The following TREX1 variants were observed in gnomAD, a reference collection of about 807,000 sequenced individuals.
TREX1 encodes three prime repair exonuclease 1.
In TREX1, 11 loss-of-function variants were observed where a neutral mutation model predicts 13.7. The ratio of observed to expected loss-of-function variants is 0.80; its 90% confidence interval spans 0.51 to 1.33. The LOEUF (loss-of-function observed/expected upper bound fraction) is 1.33, where lower values mean the gene tolerates loss of function less well. TREX1 is among the 40% of genes most tolerant of loss of function. The pLI is 0.00. For synonymous variants in TREX1, 178 were observed against 178.8 expected (o/e 1.00, Z 0.03); for missense variants, 409 against 404.4 (o/e 1.01, Z -0.10).
rs777034646 is a variant in TREX1 at position 48,466,837 on chromosome 3, C to A, written c.182C>A (p.Pro61Gln). The change falls in exon 2 of 2, where the codon CCG becomes CAG. Residue 61 changes from proline to glutamine, a missense_variant. Physicochemically the swap from Pro to Gln is moderately conservative, Grantham distance 76. Coordinates refer to ENST00000625293, the MANE Select transcript of TREX1 (RefSeq NM_033629.6). ...QGPPPTVPPPPRVVDKLSLCV... is the reference protein window; with the variant it reads ...QGPPPTVPPPQRVVDKLSLCV... ...CCACCTCCCACAGTTCCTCCACCAC[C>A]GCGTGTGGTAGACAAGCTCTCCCTG... The A allele has an allele frequency of 1.2e-6, 2 of 1,614,018 alleles. No individual in the cohort carries two copies. Among genetic ancestry groups the A allele is most frequent in the Non-Finnish European group, 1.7e-6 (2 of 1,180,046 alleles).
upstream of TREX1, chr3:48,466,130 G>T (rs886058622): frequency 4.3e-5 from 18 of 420,378 alleles, no homozygotes; most frequent in African/African-American, 1.6e-4. Flanking sequence ...GAGTGGGTGT[G>T]GGGGGGAACG....
At chr3:48,466,156 G>A (rs890934920), upstream of TREX1, 3 of 475,814 alleles carry the variant, frequency 6.3e-6, no homozygotes, top group Admixed American at 3.4e-5. Flanking sequence ...TGGTGAGAGG[G>A]ACAGACCAGG....
chr3:48,466,932 G>A lies in TREX1; in HGVS notation c.277G>A (p.Ala93Thr). 6.2e-7 allele frequency: 1 copy of A among 1,611,408 alleles called. No homozygotes were observed. The highest frequency in any genetic ancestry group is 2.2e-5 in the East Asian group (1 of 44,882). ...EITGLSTAVL[A>T]AHGRQCFDDN... The stretch of plus-strand genomic sequence containing the variant: ...CACAGGTCTGAGCACAGCTGTGCTG[G>A]CAGCGCATGGGCGTCAATGTTTTGA... The change falls in exon 2 of 2, where the codon GCA (alanine) becomes ACA (threonine). Residue 93 changes from alanine (A) to threonine (T), a missense_variant. Physicochemically the swap from Ala to Thr is moderately conservative, Grantham distance 58. Transcript: ENST00000625293.
In TREX1 at chr3:48,466,873, CG is replaced by C; in HGVS notation, c.222del (p.Lys75ArgfsTer13). 2 of 1,613,400 alleles carry C rather than the reference CG, an allele frequency of 1.2e-6. No homozygotes were observed. The highest frequency in any genetic ancestry group is 1.7e-6 in the Non-Finnish European group (2 of 1,180,022). Reference protein sequence around the residue: ...VVDKLSLCVAPGKACSPAASE... With the variant: ...VVDKLSLCVAXGKACSPAASE... ...GACAAGCTCTCCCTGTGTGTGGCTCCGGGGAAGGCCTGCAGCCCTGCAGCCA... is the reference window on the plus strand; with the variant it reads ...GACAAGCTCTCCCTGTGTGTGGCTCCGGGAAGGCCTGCAGCCCTGCAGCCA... On this transcript the variant is annotated frameshift_variant, in exon 2 of 2. Transcript: ENST00000625293. LOFTEE classifies it high-confidence loss of function.
Position 48,466,698 on chromosome 3 carries a change from A to G in TREX1, c.43A>G (p.Ile15Val), listed in dbSNP as rs1449985027. Reference sequence around the variant, plus strand: ...GCCCCCGGGGCCCATGCAGACCCTCATCTTTTTCGACATGGAGGCCACTGG... The same window carrying G: ...GCCCCCGGGGCCCATGCAGACCCTCGTCTTTTTCGACATGGAGGCCACTGG... The part of the protein sequence containing the change: ...ALPPGPMQTL[I>V]FFDMEATGLP... The change falls in exon 2 of 2, where the codon ATC becomes GTC. Residue 15 changes from isoleucine (I) to valine (V), a missense_variant. Coordinates refer to ENST00000625293, the MANE Select transcript of TREX1 (RefSeq NM_033629.6). 3 of 1,613,846 alleles carry G rather than the reference A, an allele frequency of 1.9e-6. No homozygotes were observed. Among genetic ancestry groups the G allele is most frequent in the East Asian group, 2.2e-5 (1 of 44,836 alleles).
upstream of TREX1, chr3:48,465,881 G>C: frequency 3.1e-6 from 1 of 325,208 alleles, no homozygotes; most frequent in Non-Finnish European, 5.9e-6. Context: ...TGGCAGGGAA[G>C]GAGGTGGCTC....
Position 48,467,205 on chromosome 3 carries a change from A to G in TREX1, c.550A>G (p.Thr184Ala). ...RKSYSLGSIY[T>A]RLYGQSPPDS... Reference sequence around the variant, plus strand: ...GAGCTATAGCCTAGGCAGCATCTACACTCGCCTGTATGGGCAGTCCCCTCC... The same window carrying G: ...GAGCTATAGCCTAGGCAGCATCTACGCTCGCCTGTATGGGCAGTCCCCTCC... The change falls in exon 2 of 2, where the codon ACT becomes GCT. Residue 184 changes from threonine to alanine, a missense_variant. Thr to Ala is a moderately conservative substitution (Grantham distance 58, BLOSUM62 0). Transcript: ENST00000625293. The G allele has an allele frequency of 6.2e-7, 1 of 1,613,796 alleles. No individual in the cohort carries two copies. Among genetic ancestry groups the G allele is most frequent in the Non-Finnish European group, 8.5e-7 (1 of 1,179,928 alleles).
rs1449073652 is a variant in TREX1, at chr3:48,466,836, C to T, written c.181C>T (p.Pro61Ser). 2 of 1,614,034 alleles carry T rather than the reference C, an allele frequency of 1.2e-6. No individual in the cohort carries two copies. The highest frequency in any genetic ancestry group is 2.2e-5 in the East Asian group (1 of 44,882). ...QGPPPTVPPP[P>S]RVVDKLSLCV... ...GCCACCTCCCACAGTTCCTCCACCA[C>T]CGCGTGTGGTAGACAAGCTCTCCCT... Residue 61 changes from proline to serine, a missense_variant, in exon 2 of 2, where the codon CCG becomes TCG. Coordinates refer to ENST00000625293, the MANE Select transcript of TREX1 (RefSeq NM_033629.6).
At position 48,467,063 on chromosome 3, in the gene TREX1, A is replaced by C. The variant is rs1172017773; in HGVS notation, c.408A>C (p.Ala136=). The change falls in exon 2 of 2, where the codon GCA becomes GCC. Residue 136 remains alanine, a synonymous_variant. Coordinates refer to ENST00000625293, the MANE Select transcript of TREX1 (RefSeq NM_033629.6). The part of the protein sequence containing the change: ...GDRYDFPLLQ[A]ELAMLGLTSA... ...GCTACGACTTCCCCCTGCTCCAAGC[A>C]GAGCTGGCTATGCTGGGCCTCACCA... The C allele has an allele frequency of 6.2e-7, 1 of 1,613,894 alleles. No homozygotes were observed. Among genetic ancestry groups the C allele is most frequent in the Non-Finnish European group, 8.5e-7 (1 of 1,180,038 alleles).
Position 48,467,595 on chromosome 3 carries a change from G to C in TREX1, c.940G>C (p.Glu314Gln). 1 of 1,610,716 alleles carries C rather than the reference G, an allele frequency of 6.2e-7. No homozygotes were observed. Among genetic ancestry groups the C allele is most frequent in the Non-Finnish European group, 8.5e-7 (1 of 1,178,070 alleles). ...TGGACTATCCCTGGCCACACCTGGGGAGTAGGCCAAGAAGGAAAATCTGAC... is the reference window on the plus strand; with the variant it reads ...TGGACTATCCCTGGCCACACCTGGGCAGTAGGCCAAGAAGGAAAATCTGAC... ...LYGLSLATPG[E>Q] is the part of the protein sequence containing the mutation. Residue 314 changes from glutamate (E) to glutamine (Q), a missense_variant, in exon 2 of 2, where the codon GAG becomes CAG. By Grantham distance (29) the Glu-to-Gln change is conservative (BLOSUM62 2). Transcript: ENST00000625293.
chr3:48,466,284 T>C lies in TREX1; in HGVS notation c.-52T>C, dbSNP rs994354622. On this transcript the variant is annotated 5_prime_UTR_variant, in exon 1 of 2. Transcript: ENST00000625293. ...GCGGGAGAGTGTGCAGCCGAGTCAC[T>C]ACTGCCTGCCTGCCTGCCTGCTACG... is the stretch of plus-strand genomic sequence containing the variant. The C allele has an allele frequency of 1.0e-5, 7 of 671,320 alleles. No homozygotes were observed. The African/African-American group carries it at 1.2e-4, about 12-fold the overall frequency. The allele number at this position is 671,320 out of a possible 1,614,324, so 41.6% of individuals were successfully genotyped here.
In TREX1 at chr3:48,467,242, C is replaced by G; in HGVS notation, c.587C>G (p.Thr196Arg). 6.2e-7 allele frequency: 1 copy of G among 1,614,118 alleles called. No homozygotes were observed. The highest frequency in any genetic ancestry group is 1.3e-5 in the African/African-American group (1 of 75,068). ...GGGCAGTCCCCTCCAGACTCGCACACGGCTGAGGGTGATGTCCTGGCCCTG... is the reference window on the plus strand; with the variant it reads ...GGGCAGTCCCCTCCAGACTCGCACAGGGCTGAGGGTGATGTCCTGGCCCTG... Reference protein sequence around the residue: ...LYGQSPPDSHTAEGDVLALLS... With the variant: ...LYGQSPPDSHRAEGDVLALLS... The change falls in exon 2 of 2, where the codon ACG becomes AGG. Residue 196 changes from threonine (T) to arginine (R), a missense_variant. Transcript: ENST00000625293.
In TREX1 at chr3:48,467,321, C is replaced by T. The variant is rs1431098691; in HGVS notation, c.666C>T (p.His222=). The change falls in exon 2 of 2, where the codon CAC becomes CAT. Residue 222 remains histidine, a synonymous_variant. Transcript: ENST00000625293. ...PQALLRWVDA[H]ARPFGTIRPM... is the part of the protein sequence containing the mutation. Reference sequence around the variant, plus strand: ...CCCTGCTGCGGTGGGTGGATGCTCACGCCAGGCCTTTCGGCACCATCAGGC... The same window carrying T: ...CCCTGCTGCGGTGGGTGGATGCTCATGCCAGGCCTTTCGGCACCATCAGGC... 3.7e-6 allele frequency: 6 copies of T among 1,614,134 alleles called. No homozygotes were observed. The Admixed American group carries it at 5.0e-5, about 13-fold the overall frequency.
rs1315787002 is a variant in TREX1 at position 48,466,896 on chromosome 3, G to A, written c.241G>A (p.Ala81Thr). 3 of 1,612,162 alleles carry A rather than the reference G, an allele frequency of 1.9e-6. No individual in the cohort carries two copies. The highest frequency in any genetic ancestry group is 2.5e-6 in the Non-Finnish European group (3 of 1,180,040). Residue 81 changes from alanine to threonine, a missense_variant, in exon 2 of 2, where the codon GCC becomes ACC. Ala to Thr is a moderately conservative substitution (Grantham distance 58). Coordinates refer to ENST00000625293, the MANE Select transcript of TREX1 (RefSeq NM_033629.6). ...VAPGKACSPA[A>T]SEITGLSTAV... ...TCCGGGGAAGGCCTGCAGCCCTGCA[G>A]CCAGCGAGATCACAGGTCTGAGCAC...
At position 48,466,873 on chromosome 3, in the gene TREX1, C is replaced by T. The variant is rs755919767; in HGVS notation, c.218C>T (p.Pro73Leu). 1.5e-5 allele frequency: 25 copies of T among 1,613,282 alleles called. No homozygotes were observed. The highest frequency in any genetic ancestry group is 7.7e-5 in the South Asian group (7 of 91,088). ...VVDKLSLCVA[P>L]GKACSPAASE... ...GACAAGCTCTCCCTGTGTGTGGCTC[C>T]GGGGAAGGCCTGCAGCCCTGCAGCC... Residue 73 changes from proline to leucine, a missense_variant, in exon 2 of 2, where the codon CCG (proline) becomes CTG (leucine). Pro to Leu is a moderately conservative substitution (Grantham distance 98). Transcript: ENST00000625293.
In TREX1 at chr3:48,467,042, C is replaced by T. The variant is rs202025490; in HGVS notation, c.387C>T (p.Tyr129=). 62 of 1,613,978 alleles carry T rather than the reference C, an allele frequency of 3.8e-5. No individual in the cohort carries two copies. The highest frequency in any genetic ancestry group is 1.8e-4 in the Admixed American group (11 of 60,006). ...WCLVAHNGDR[Y]DFPLLQAELA... ...TGGTGGCACACAATGGTGACCGCTA[C>T]GACTTCCCCCTGCTCCAAGCAGAGC... The change falls in exon 2 of 2, where the codon TAC becomes TAT. Residue 129 remains tyrosine (Y), a synonymous_variant. Coordinates refer to ENST00000625293, the MANE Select transcript of TREX1 (RefSeq NM_033629.6).
chr3:48,466,014 G>A (rs1251308687), upstream of TREX1: 8 of 317,258 alleles, frequency 2.5e-5, 1 homozygote, highest in South Asian at 2.3e-4. Flanking sequence ...CACTGCCCTG[G>A]TCCTTCCAGC....
rs2040298295 is a variant in TREX1 at position 48,466,415 on chromosome 3, G to T, written c.-27+106G>T. Reference sequence around the variant, plus strand: ...GGAGGGGCCGAGTCATGTGAAGAGGGAGACCCTCTCAGACAGTCGAATGTG... The same window carrying T: ...GGAGGGGCCGAGTCATGTGAAGAGGTAGACCCTCTCAGACAGTCGAATGTG... On this transcript the variant is annotated intron_variant, in intron 1 of 1. Transcript: ENST00000625293. 8.7e-6 allele frequency: 14 copies of T among 1,604,612 alleles called. No individual in the cohort carries two copies. The East Asian group carries it at 3.1e-4, about 36-fold the overall frequency.
chr3:48,467,153 C>G lies in TREX1; in HGVS notation c.498C>G (p.Ser166Arg). Residue 166 changes from serine (S) to arginine (R), a missense_variant, in exon 2 of 2, where the codon AGC (serine) becomes AGG (arginine). Transcript: ENST00000625293. Reference protein sequence around the residue: ...ITALKALERASSPSEHGPRKS... With the variant: ...ITALKALERARSPSEHGPRKS... ...CGCTGAAGGCCCTGGAGCGAGCAAG[C>G]AGCCCCTCAGAACACGGCCCAAGGA... The G allele has an allele frequency of 6.2e-7, 1 of 1,614,030 alleles. No individual in the cohort carries two copies. The highest frequency in any genetic ancestry group is 8.5e-7 in the Non-Finnish European group (1 of 1,180,022).
Sources: gnomAD v4.1 joint callset for allele counts on GRCh38, gnomAD v4.1.1 for gene constraint, MANE v1.5 for transcripts, NCBI Gene and HGNC (gene_info 2026-07-23, HGNC 2026-07-21) for gene names.